Variants in ZFHX4 observed in about 807,000 individuals in gnomAD.
ZFHX4 encodes zinc finger homeobox protein 4.
A neutral mutation model predicts 267.6 loss-of-function variants in ZFHX4; 56 were observed. That is an observed-to-expected ratio of 0.21 (90% CI 0.17 to 0.26). ZFHX4 has a LOEUF of 0.26. Ranked by LOEUF, ZFHX4 falls within the 10% of genes least tolerant of loss-of-function variation. The pLI, the probability that ZFHX4 is intolerant of heterozygous loss-of-function variation, is 1.00. For synonymous variants in ZFHX4, 1,778 were observed against 1,665.6 expected (o/e 1.07, Z -1.64); for missense variants, 4,332 against 4,420.0 (o/e 0.98, Z 0.56).
chr8:76,755,757 C>T (rs534052703), intron 3 of ZFHX4, among the ~76,000 whole-genome samples: 1 of 152,208 alleles, frequency 6.6e-6, no homozygotes, highest in South Asian at 2.1e-4. Flanking sequence ...TTTAGTATCA[C>T]AACAGAGCCT....
Position 76,851,438 on chromosome 8 carries a change from G to C in ZFHX4, c.4517G>C (p.Ser1506Thr), listed in dbSNP as rs775343613. 1.2e-6 allele frequency: 2 copies of C among 1,613,876 alleles called. No individual in the cohort carries two copies. Among genetic ancestry groups the C allele is most frequent in the Non-Finnish European group, 1.7e-6 (2 of 1,179,862 alleles). Residue 1506 changes from serine (S) to threonine (T), a missense_variant, in exon 10 of 11, where the codon AGT becomes ACT. Around this residue, in one of 7 missense-constraint regions of ZFHX4, gnomAD observed 1,371 missense variants for 1,423.1 expected, o/e 0.96. Coordinates refer to ENST00000651372, the MANE Select transcript of ZFHX4 (RefSeq NM_024721.5). Reference protein sequence around the residue: ...EGKASPVGSDSSSIPDDMGSE... With the variant: ...EGKASPVGSDTSSIPDDMGSE... ...AAAGCAAGTCCTGTAGGAAGTGATA[G>C]TAGCTCTATTCCAGATGACATGGGC...
Position 76,851,481 on chromosome 8 carries a change from C to T in ZFHX4, c.4560C>T (p.Thr1520=). 1 of 1,613,876 alleles carries T rather than the reference C, an allele frequency of 6.2e-7. No individual in the cohort carries two copies. The highest frequency in any genetic ancestry group is 8.5e-7 in the Non-Finnish European group (1 of 1,179,846). ...PDDMGSEPKR[T]LPFRKGPNFT... ...ACATGGGCTCTGAACCAAAGCGGACCTTACCTTTTAGAAAAGGGCCCAATT... is the reference window on the plus strand; with the variant it reads ...ACATGGGCTCTGAACCAAAGCGGACTTTACCTTTTAGAAAAGGGCCCAATT... Residue 1520 remains threonine (T), a synonymous_variant, in exon 10 of 11, where the codon ACC becomes ACT. Transcript: ENST00000651372.
chr8:76,743,912 T>G (rs1237314909), intron 3 of ZFHX4, among the ~76,000 whole-genome samples: 1 of 152,218 alleles, frequency 6.6e-6, no homozygotes. Flanking sequence ...TATTACTATT[T>G]TTTGGAAGAA....
intron 3 of ZFHX4, among the ~76,000 whole-genome samples, chr8:76,745,253 C>T (rs1809429108): frequency 6.6e-6 from 1 of 152,114 alleles, no homozygotes; most frequent in Admixed American, 6.5e-5. Flanking sequence ...AAACACTTGA[C>T]TTTCAATTAG....
At chr8:76,699,594 C>T (rs1468162869) in intron 1 of ZFHX4, among the ~76,000 whole-genome samples, 2 of 152,044 alleles carry the variant, frequency 1.3e-5, no homozygotes, top group Non-Finnish European at 2.9e-5. Context: ...AATTCCCCTA[C>T]CCTCTTCTCT....
chr8:76,711,589 A>C (rs1193118574), intron 3 of ZFHX4, among the ~76,000 whole-genome samples: 2 of 152,296 alleles, frequency 1.3e-5, no homozygotes, highest in Admixed American at 6.5e-5. Context: ...GTCAGTTGAT[A>C]AAATAATTGG....
chr8:76,754,896 A>G (rs956748019), intron 3 of ZFHX4, among the ~76,000 whole-genome samples: 9 of 152,226 alleles, frequency 5.9e-5, no homozygotes, highest in Admixed American at 2.6e-4. Context: ...CTTCAATGAG[A>G]TCATGTTTCT....
intron 3 of ZFHX4, among the ~76,000 whole-genome samples, chr8:76,750,740 TAAC>T (rs1809591600): frequency 6.6e-6 from 1 of 152,130 alleles, no homozygotes; most frequent in Non-Finnish European, 1.5e-5. Flanking sequence ...ATATAGCAGT[TAAC>T]AAGTGAAAAA....
intron 3 of ZFHX4, among the ~76,000 whole-genome samples, chr8:76,712,852 TA>T (rs1053866387): frequency 1.4e-4 from 21 of 151,696 alleles, no homozygotes; most frequent in Admixed American, 4.6e-4. Context: ...GGATTTGTTT[TA>T]AAAAAAAACT....
chr8:76,769,675 G>C (rs1810208497), intron 3 of ZFHX4, among the ~76,000 whole-genome samples: 1 of 152,142 alleles, frequency 6.6e-6, no homozygotes, highest in East Asian at 1.9e-4. Flanking sequence ...GTTTTCTATT[G>C]GGACAATTTC....
chr8:76,718,908 A>G (rs1482819053), intron 3 of ZFHX4, among the ~76,000 whole-genome samples: 2 of 150,364 alleles, frequency 1.3e-5, no homozygotes, highest in African/African-American at 2.5e-5. Flanking sequence ...CAAATCATTG[A>G]TAAAGAAGAA....
At chr8:76,856,755 C>T (rs1038309641) in intron 10 of ZFHX4, among the ~76,000 whole-genome samples, 1 of 152,102 alleles carries the variant, frequency 6.6e-6, no homozygotes, top group African/African-American at 2.4e-5. Context: ...CCCCCCGCCG[C>T]CACCCTGTGA....
intron 3 of ZFHX4, among the ~76,000 whole-genome samples, chr8:76,736,326 G>C (rs1809159622): frequency 6.6e-6 from 1 of 151,886 alleles, no homozygotes; most frequent in Non-Finnish European, 1.5e-5. Flanking sequence ...TGAGAAATCA[G>C]TAAATTGAAT....
chr8:76,819,142 G>GTTT (rs11361228), intron 4 of ZFHX4, among the ~76,000 whole-genome samples: 6 of 127,612 alleles, frequency 4.7e-5, no homozygotes, highest in Admixed American at 1.6e-4. Flanking sequence ...GCTCATAAAG[G>GTTT]TTTTTTTTTT....
At chr8:76,702,474 T>C (rs1033120431) in intron 1 of ZFHX4, among the ~76,000 whole-genome samples, 4 of 152,188 alleles carry the variant, frequency 2.6e-5, no homozygotes, top group African/African-American at 7.2e-5. Context: ...GTCTTTCTTG[T>C]ATAAGAACAT....
intron 4 of ZFHX4, among the ~76,000 whole-genome samples, chr8:76,802,038 A>T (rs1380273539): frequency 6.6e-6 from 1 of 152,174 alleles, no homozygotes; most frequent in Non-Finnish European, 1.5e-5. Flanking sequence ...TAGGCATTTT[A>T]AAAGTAGAAG....
intron 4 of ZFHX4, among the ~76,000 whole-genome samples, chr8:76,795,963 C>A (rs568228431): frequency 4.3e-4 from 65 of 151,962 alleles, no homozygotes; most frequent in Non-Finnish European, 7.1e-4. Flanking sequence ...AATATTGAAA[C>A]CTTTAGAAAA....
chr8:76,748,919 A>G (rs1809541677), intron 3 of ZFHX4, among the ~76,000 whole-genome samples: 1 of 152,178 alleles, frequency 6.6e-6, no homozygotes, highest in African/African-American at 2.4e-5. Flanking sequence ...AGCCAAGTCA[A>G]TTTATGTGGG....
chr8:76,852,803 T>C lies in ZFHX4; in HGVS notation c.5882T>C (p.Leu1961Ser). The C allele has an allele frequency of 1.9e-6, 3 of 1,613,574 alleles. No homozygotes were observed. Among genetic ancestry groups the C allele is most frequent in the African/African-American group, 2.7e-5 (2 of 74,992 alleles). Residue 1961 changes from leucine to serine, a missense_variant, in exon 10 of 11, where the codon TTA (leucine) becomes TCA (serine). Physicochemically the swap from Leu to Ser is moderately radical, Grantham distance 145. Around this residue, in one of 7 missense-constraint regions of ZFHX4, gnomAD observed 1,371 missense variants for 1,423.1 expected, o/e 0.96. Coordinates refer to ENST00000651372, the MANE Select transcript of ZFHX4 (RefSeq NM_024721.5). ...AAATTGTTTTCCAATGTTCTTATTT[T>C]AAAGAGTCACCAAGAACATGTACAT... Reference protein sequence around the residue: ...CGKLFSNVLILKSHQEHVHGQ... With the variant: ...CGKLFSNVLISKSHQEHVHGQ...
Sources: allele counts gnomAD v4.1 joint callset (sites outside exome capture counted in the v4.1 genomes callset), GRCh38; gene constraint gnomAD v4.1.1; regional missense constraint gnomAD v4.1.1; transcripts MANE v1.5; gene names NCBI Gene and HGNC (gene_info 2026-07-23, HGNC 2026-07-21).